LIMK1: variants seen among roughly 807,000 people sequenced by gnomAD.
LIMK1 encodes the protein LIM domain kinase 1, also known as LIM motif-containing protein kinase.
Under a neutral mutation model 77.6 loss-of-function variants are expected in LIMK1, and 21 were observed. The ratio of observed to expected loss-of-function variants is 0.27; its 90% confidence interval spans 0.19 to 0.39. LIMK1 has a LOEUF of 0.39. LIMK1 is among the 10% of genes least tolerant of loss of function. The pLI is 1.00. For missense variants in LIMK1, 696 were observed against 901.6 expected (o/e 0.77, Z 2.92); for synonymous variants, 358 against 370.0 (o/e 0.97, Z 0.37).
intron 13 of LIMK1, among the ~76,000 whole-genome samples, chr7:74,118,098 G>GA (rs1189851879): frequency 1.5e-3 from 203 of 131,174 alleles, no homozygotes; most frequent in Middle Eastern, 4.2e-3. Flanking sequence ...GTCTCAAAAA[G>GA]AAAAAAAAAA....
intron 10 of LIMK1, 200 bp from the exon 11 acceptor site, chr7:74,111,448 A>G: frequency 1.7e-6 from 1 of 581,886 alleles, no homozygotes; most frequent in East Asian, 2.8e-5. Context: ...AAGAAAAAAA[A>G]AAAAGGAAAT....
chr7:74,106,336 C>T, intron 7 of LIMK1, 93 bp downstream of exon 7: 2 of 1,409,184 alleles, frequency 1.4e-6, no homozygotes, highest in Non-Finnish European at 1.9e-6. Context: ...CAGCCCTGCA[C>T]AAATGCAGCC....
intron 13 of LIMK1, among the ~76,000 whole-genome samples, chr7:74,118,709 G>A (rs1584134500): frequency 6.6e-6 from 1 of 151,928 alleles, no homozygotes; most frequent in African/African-American, 2.4e-5. Context: ...TTGAACCCAG[G>A]AGGCAGAGGT....
chr7:74,105,281 G>A (rs1483379157), intron 5 of LIMK1, among the ~76,000 whole-genome samples: 1 of 152,092 alleles, frequency 6.6e-6, no homozygotes, highest in Non-Finnish European at 1.5e-5. Context: ...AGGCTAAGGC[G>A]GGCGGATTGC....
intron 12 of LIMK1, chr7:74,115,498 G>A (rs797043398): frequency 1.9e-4 from 65 of 337,412 alleles, no homozygotes; most frequent in African/African-American, 1.2e-3. Context: ...GGGAGGGAGC[G>A]CTTGCAGGAG....
At chr7:74,091,166 C>T (rs532991077) in intron 2 of LIMK1, among the ~76,000 whole-genome samples, 67 of 152,144 alleles carry the variant, frequency 4.4e-4, no homozygotes, top group African/African-American at 1.5e-3. Context: ...CCTCGTGATC[C>T]GCCCACCTCA....
intron 2 of LIMK1, among the ~76,000 whole-genome samples, chr7:74,096,127 G>A (rs1799332871): frequency 1.3e-5 from 2 of 151,728 alleles, no homozygotes; most frequent in Non-Finnish European, 2.9e-5. Flanking sequence ...ACCATGCCTG[G>A]CTAGTTTTTG....
At chr7:74,115,495 AGCGCTT>A (rs1799787621) in intron 12 of LIMK1, 1 of 329,616 alleles carries the variant, frequency 3.0e-6, no homozygotes, top group Non-Finnish European at 5.6e-6. Flanking sequence ...GGTGGGAGGG[AGCGCTT>A]GCAGGAGGGA....
chr7:74,111,907 C>T (rs782589222), intron 11 of LIMK1, 26 bp from the exon 12 acceptor site: 1 of 1,604,888 alleles, frequency 6.2e-7, no homozygotes. Flanking sequence ...ACAGCTGCCC[C>T]CTGACTCCCG....
chr7:74,091,059 G>A (rs1199058554), intron 2 of LIMK1, among the ~76,000 whole-genome samples: 3 of 151,956 alleles, frequency 2.0e-5, no homozygotes, highest in East Asian at 1.9e-4. Flanking sequence ...GACTACAGGC[G>A]CCCACCACCA....
At chr7:74,090,374 C>CA (rs1799214162) in intron 2 of LIMK1, among the ~76,000 whole-genome samples, 1 of 31,194 alleles carries the variant, frequency 3.2e-5, no homozygotes, top group Admixed American at 4.3e-4. Context: ...GACTCCATCT[C>CA]GAAAAAAAAA....
At chr7:74,111,576 C>T (rs1401438868) in intron 10 of LIMK1, 72 bp from the exon 11 acceptor site, 19 of 1,301,656 alleles carry the variant, frequency 1.5e-5, no homozygotes, top group Non-Finnish European at 2.1e-5. Flanking sequence ...CTTCCTGCCT[C>T]TGTCTCATGC....
chr7:74,117,532 AATGGTCCTATAT>A (rs1799840648), intron 13 of LIMK1, among the ~76,000 whole-genome samples: 1 of 152,120 alleles, frequency 6.6e-6, no homozygotes, highest in East Asian at 1.9e-4. Context: ...CTTTGCTGTC[AATGGTCCTATAT>A]ATGCCCAGAT....
chr7:74,108,662 G>T (rs1441661559), intron 9 of LIMK1, among the ~76,000 whole-genome samples: 1 of 149,194 alleles, frequency 6.7e-6, no homozygotes, highest in Non-Finnish European at 1.5e-5. Context: ...AAAAAAAAAA[G>T]AAAAGAAAAA....
In LIMK1 at chr7:74,106,009, G is replaced by A. The variant is rs147633696; in HGVS notation, c.714+29G>A. Reference sequence around the variant, plus strand: ...CGGTCCTGAGTCTGTGGGGCAGGACGGGAGGTAGTGCCTTCATGCCTAGCC... The same window carrying A: ...CGGTCCTGAGTCTGTGGGGCAGGACAGGAGGTAGTGCCTTCATGCCTAGCC... On this transcript the variant is annotated intron_variant, in intron 6 of 15. Coordinates refer to ENST00000336180, the MANE Select transcript of LIMK1 (RefSeq NM_002314.4). 4.2e-4 allele frequency: 672 copies of A among 1,611,674 alleles called. 4 individuals are homozygous for A. The African/African-American group carries it at 6.3e-3, about 15-fold the overall frequency.
At chr7:74,121,096 C>T (rs531291151) in intron 15 of LIMK1, 43 bp from the exon 16 acceptor site, 27 of 1,600,032 alleles carry the variant, frequency 1.7e-5, no homozygotes, top group South Asian at 5.6e-5. Flanking sequence ...GGCCGATTCC[C>T]GGGACAGCCA....
intron 5 of LIMK1, among the ~76,000 whole-genome samples, chr7:74,105,116 G>A (rs193000178): frequency 6.6e-6 from 1 of 152,256 alleles, no homozygotes; most frequent in Admixed American, 6.5e-5. Context: ...GCCACGCTCG[G>A]CTAATTTTTG....
intron 14 of LIMK1, 98 bp from the exon 15 acceptor site, chr7:74,120,794 C>A: frequency 6.4e-7 from 1 of 1,560,364 alleles, no homozygotes; most frequent in Non-Finnish European, 8.8e-7. Context: ...CAGGCTGCAG[C>A]CAGGCCCAGT....
chr7:74,092,386 G>GGCCT (rs1799254772), intron 2 of LIMK1, among the ~76,000 whole-genome samples: 1 of 152,152 alleles, frequency 6.6e-6, no homozygotes, highest in Non-Finnish European at 1.5e-5. Flanking sequence ...CTGTGATGGG[G>GGCCT]GCCTGCAGGC....
Sources: gnomAD v4.1 joint callset for allele counts (sites outside exome capture counted in the v4.1 genomes callset) on GRCh38, gnomAD v4.1.1 for gene constraint, MANE v1.5 for transcripts, NCBI Gene and HGNC (gene_info 2026-07-23, HGNC 2026-07-21) for gene names.